REEP3: variants seen among roughly 807,000 people sequenced by gnomAD.
The protein encoded by REEP3 is receptor expression-enhancing protein 3.
A neutral mutation model predicts 41.3 loss-of-function variants in REEP3; 20 were observed. The observed-to-expected ratio is 0.48, with a 90% CI of 0.34 to 0.70. The LOEUF (loss-of-function observed/expected upper bound fraction) is 0.70. Ranked by LOEUF, REEP3 falls within the 30% of genes least tolerant of loss-of-function variation. The probability of loss-of-function intolerance (pLI) is 0.01; values close to 1 mark genes in which losing one functional copy is unlikely to be tolerated. For synonymous variants in REEP3, 104 were observed against 101.8 expected (o/e 1.02, Z -0.13); for missense variants, 271 against 308.8 (o/e 0.88, Z 0.92).
chr10:63,538,546 C>T (rs905457908), intron 1 of REEP3, among the ~76,000 whole-genome samples: 2 of 152,004 alleles, frequency 1.3e-5, no homozygotes, highest in Non-Finnish European at 2.9e-5. Flanking sequence ...TCAGCCTGGC[C>T]AACATGGCAA....
In REEP3 at chr10:63,529,789, T is replaced by C. The variant is rs1458953655; in HGVS notation, c.32+8212T>C. Among the ~76,000 whole-genome samples the C allele has an allele frequency of 2.7e-5, 4 of 150,582 alleles. No homozygotes were observed. In the East Asian group the frequency reaches 7.8e-4, roughly 29 times the overall value. On this transcript the variant is annotated intron_variant, in intron 1 of 7. Coordinates refer to ENST00000373758, the MANE Select transcript of REEP3 (RefSeq NM_001001330.3). ...GCCATGAATGTGATTCTTTTTTTTT[T>C]TTTGAGACTGAGGAGTTTTGCTCTT...
chr10:63,613,936 A>G (rs1956294236), intron 6 of REEP3, among the ~76,000 whole-genome samples: 1 of 152,236 alleles, frequency 6.6e-6, no homozygotes, highest in Non-Finnish European at 1.5e-5. Flanking sequence ...TATCAAAACC[A>G]GAAAACATAA....
chr10:63,568,197 A>G (rs1416763240), intron 2 of REEP3, among the ~76,000 whole-genome samples: 2 of 151,692 alleles, frequency 1.3e-5, no homozygotes, highest in Non-Finnish European at 2.9e-5. Flanking sequence ...GTCTGTTAAC[A>G]GTGCTTCTCA....
At position 63,617,767 on chromosome 10, in the gene REEP3, G is replaced by A. The variant is rs531411868; in HGVS notation, c.566-1888G>A. 1.5e-4 allele frequency among the ~76,000 whole-genome samples: 21 copies of A among 136,390 alleles called. No individual in the cohort carries two copies. The East Asian group carries it at 2.6e-3, about 17-fold the overall frequency. The allele number at this position is 136,390 out of a possible 152,430, so 89.5% of individuals were successfully genotyped here. ...CAGTTTTATTTTTTATCACATGCAC[G>A]GAATCTATCCCGTGCCTTCTCCTAA... On this transcript the variant is annotated intron_variant, in intron 6 of 7. Transcript: ENST00000373758.
chr10:63,566,164 G>A (rs904803656), intron 1 of REEP3, among the ~76,000 whole-genome samples, 174 bp from the exon 2 acceptor site: 4 of 152,070 alleles, frequency 2.6e-5, no homozygotes, highest in African/African-American at 9.7e-5. Context: ...GATTACAGGC[G>A]TGAGCCACTG....
chr10:63,527,407 C>T (rs565924092), intron 1 of REEP3, among the ~76,000 whole-genome samples: 1 of 152,312 alleles, frequency 6.6e-6, no homozygotes, highest in East Asian at 1.9e-4. Context: ...CACAGTGGCT[C>T]TTGCTTGTAA....
chr10:63,610,167 A>G lies in REEP3; in HGVS notation c.418-20A>G, dbSNP rs1293558293. 1 of 1,599,308 alleles carries G rather than the reference A, an allele frequency of 6.3e-7. No homozygotes were observed. The highest frequency in any genetic ancestry group is 8.5e-7 in the Non-Finnish European group (1 of 1,172,578). On this transcript the variant is annotated intron_variant, in intron 5 of 7. Coordinates refer to ENST00000373758, the MANE Select transcript of REEP3 (RefSeq NM_001001330.3). ...ATACTAAATATTTTTTCTTGGACCT[A>G]TCACTTCTCTGTTAAATAGAGCCAA...
chr10:63,532,023 C>G (rs963166055), intron 1 of REEP3, among the ~76,000 whole-genome samples: 6 of 152,158 alleles, frequency 3.9e-5, no homozygotes, highest in Admixed American at 2.6e-4. Flanking sequence ...TTTATACTCA[C>G]GTATTCTGCA....
chr10:63,560,594 G>A (rs1182531612), intron 1 of REEP3, among the ~76,000 whole-genome samples: 2 of 152,174 alleles, frequency 1.3e-5, no homozygotes, highest in East Asian at 1.9e-4. Context: ...TAGTCGGGGT[G>A]AACAGTATCT....
chr10:63,569,432 A>T (rs1461971153), intron 2 of REEP3, among the ~76,000 whole-genome samples: 1 of 149,980 alleles, frequency 6.7e-6, no homozygotes, highest in African/African-American at 2.5e-5. Context: ...TGCATTGTAT[A>T]TATATTTGTG....
At chr10:63,525,365 C>A (rs1164936787) in intron 1 of REEP3, among the ~76,000 whole-genome samples, 1 of 152,054 alleles carries the variant, frequency 6.6e-6, no homozygotes, top group Non-Finnish European at 1.5e-5. Context: ...CCATTACTTA[C>A]AGTCTGTTCA....
At chr10:63,612,977 A>G (rs1956287384) in intron 6 of REEP3, among the ~76,000 whole-genome samples, 1 of 152,044 alleles carries the variant, frequency 6.6e-6, no homozygotes, top group African/African-American at 2.4e-5. Context: ...AAATATGAAA[A>G]TTTGTAATAC....
chr10:63,595,608 G>T (rs1410614825), intron 3 of REEP3, among the ~76,000 whole-genome samples: 1 of 149,398 alleles, frequency 6.7e-6, no homozygotes, highest in Non-Finnish European at 1.5e-5. Flanking sequence ...ACAAGGTCTT[G>T]CTCTGTTGCC....
At chr10:63,539,832 C>CT (rs1955512573) in intron 1 of REEP3, among the ~76,000 whole-genome samples, 1 of 152,014 alleles carries the variant, frequency 6.6e-6, no homozygotes, top group Non-Finnish European at 1.5e-5. Flanking sequence ...CCTGGACATA[C>CT]TTTTTTTCTT....
chr10:63,559,368 T>A (rs1183946801), intron 1 of REEP3, among the ~76,000 whole-genome samples: 1 of 152,236 alleles, frequency 6.6e-6, no homozygotes, highest in East Asian at 1.9e-4. Context: ...ACAGAATGTC[T>A]GTTAGCTACT....
chr10:63,535,249 A>G (rs992504841), intron 1 of REEP3, among the ~76,000 whole-genome samples: 3 of 152,186 alleles, frequency 2.0e-5, no homozygotes, highest in Non-Finnish European at 4.4e-5. Context: ...AAATATATCA[A>G]TAATAACAAT....
intron 1 of REEP3, 107 bp downstream of exon 1, chr10:63,521,684 G>A: frequency 1.3e-6 from 1 of 792,312 alleles, no homozygotes. Context: ...GCGGGGACGG[G>A]GTAGCCCGGC....
At chr10:63,572,316 TAATTA>T (rs982059188) in intron 2 of REEP3, among the ~76,000 whole-genome samples, 114 of 152,016 alleles carry the variant, frequency 7.5e-4, no homozygotes, top group African/African-American at 2.7e-3. Context: ...TTTTTTTTTT[TAATTA>T]TACTTTAAGT....
intron 6 of REEP3, among the ~76,000 whole-genome samples, chr10:63,618,360 C>G (rs985535048): frequency 3.3e-5 from 5 of 151,272 alleles, no homozygotes; most frequent in Admixed American, 1.3e-4. Context: ...ATTCTCCTGC[C>G]CCAGCTTCCC....
Sources: allele counts gnomAD v4.1 joint callset (sites outside exome capture counted in the v4.1 genomes callset), GRCh38; gene constraint gnomAD v4.1.1; transcripts MANE v1.5; gene names NCBI Gene and HGNC (gene_info 2026-07-23, HGNC 2026-07-21).